KCNN1: variants seen among roughly 807,000 people sequenced by gnomAD.
KCNN1 encodes the protein small conductance calcium-activated potassium channel protein 1.
KCNN1 carries 20 observed loss-of-function variants against 44.7 expected under a neutral mutation model. That is an observed-to-expected ratio of 0.45 (90% confidence interval 0.32 to 0.65). The LOEUF (loss-of-function observed/expected upper bound fraction) is 0.65. KCNN1 is among the 30% of genes least tolerant of loss of function. The pLI is 0.05. For missense variants in KCNN1, 632 were observed against 785.3 expected (o/e 0.80, Z 2.33); for synonymous variants, 324 against 341.7 (o/e 0.95, Z 0.57).
intron 9 of KCNN1, among the ~76,000 whole-genome samples, chr19:17,994,364 T>C (rs998739163): frequency 2.6e-5 from 4 of 151,682 alleles, no homozygotes; most frequent in African/African-American, 9.7e-5. Context: ...GGAGAATCAC[T>C]TGAGCCCAGG....
chr19:17,990,063 A>G, intron 7 of KCNN1: 2 of 700,054 alleles, frequency 2.9e-6, no homozygotes, highest in East Asian at 2.8e-5. Context: ...GGCAGGATGT[A>G]TATTTTATTC....
At chr19:17,951,625 G>A (rs2031410349) in intron 1 of KCNN1, among the ~76,000 whole-genome samples, 1 of 152,156 alleles carries the variant, frequency 6.6e-6, no homozygotes. Context: ...TAATCGCGCA[G>A]GTTGGGGGGA....
chr19:17,991,803 T>A (rs1271935143), intron 7 of KCNN1, among the ~76,000 whole-genome samples: 2 of 152,224 alleles, frequency 1.3e-5, no homozygotes, highest in Non-Finnish European at 2.9e-5. Flanking sequence ...TCAGGTTTTA[T>A]GGGCCAGACC....
intron 2 of KCNN1, among the ~76,000 whole-genome samples, chr19:17,956,820 G>A (rs895832077): frequency 7.2e-5 from 11 of 151,882 alleles, no homozygotes; most frequent in Non-Finnish European, 1.0e-4. Context: ...TTGGGAGGCC[G>A]AGGTGGGCGG....
At chr19:17,961,529 C>A (rs930512458) in intron 2 of KCNN1, among the ~76,000 whole-genome samples, 3 of 151,962 alleles carry the variant, frequency 2.0e-5, no homozygotes, top group Non-Finnish European at 4.4e-5. Flanking sequence ...GAGAGTGAGA[C>A]CCAGCTTCAA....
upstream of KCNN1, among the ~76,000 whole-genome samples, chr19:17,966,440 G>C (rs1459293213): frequency 6.6e-6 from 1 of 152,212 alleles, no homozygotes; most frequent in Non-Finnish European, 1.5e-5. Flanking sequence ...CTGGGTGCTG[G>C]GGGAAGGAGC....
chr19:17,980,549 C>T (rs1030135121), intron 3 of KCNN1, among the ~76,000 whole-genome samples: 7 of 152,100 alleles, frequency 4.6e-5, no homozygotes, highest in African/African-American at 7.2e-5. Flanking sequence ...TTCGTTCGAA[C>T]TGTGGCCAGT....
At chr19:17,969,485 G>A (rs538592199) in intron 1 of KCNN1, among the ~76,000 whole-genome samples, 14 of 152,130 alleles carry the variant, frequency 9.2e-5, no homozygotes, top group South Asian at 2.1e-4. Flanking sequence ...GGTGGGTGCC[G>A]GGAAAGCCCT....
chr19:17,994,766 A>T (rs951023548), intron 9 of KCNN1, among the ~76,000 whole-genome samples: 1 of 152,102 alleles, frequency 6.6e-6, no homozygotes, highest in Non-Finnish European at 1.5e-5. Flanking sequence ...CTGGTCTCGA[A>T]CTCCTGACCT....
intron 3 of KCNN1, among the ~76,000 whole-genome samples, chr19:17,979,729 C>T (rs961199929): frequency 1.3e-5 from 2 of 152,110 alleles, no homozygotes; most frequent in Non-Finnish European, 2.9e-5. Flanking sequence ...TTTATGTCAA[C>T]GCTTTGCCGA....
At chr19:17,996,760 A>G (rs1275271880) in intron 9 of KCNN1, among the ~76,000 whole-genome samples, 1 of 152,154 alleles carries the variant, frequency 6.6e-6, no homozygotes, top group East Asian at 1.9e-4. Flanking sequence ...TGGTGCTAGG[A>G]GGGGAGGCCC....
In KCNN1 at chr19:17,973,794, C is replaced by T; in HGVS notation, c.-81-14C>T. 1 of 1,498,932 alleles carries T rather than the reference C, an allele frequency of 6.7e-7. No individual in the cohort carries two copies. Among genetic ancestry groups the T allele is most frequent in the Non-Finnish European group, 8.8e-7 (1 of 1,131,510 alleles). The allele number at this position is 1,498,932 out of a possible 1,614,324, so 92.9% of individuals were successfully genotyped here. On this transcript the variant is annotated splice_polypyrimidine_tract_variant and intron_variant, in intron 1 of 9. Transcript: ENST00000684775. ...TGGACCCTGCTGTGACCATGTCCCT[C>T]TGTGCCCTTGCAGGTCAGTGCAGGA... is the stretch of plus-strand genomic sequence containing the variant.
chr19:17,995,872 C>T (rs1457422848), intron 9 of KCNN1, among the ~76,000 whole-genome samples: 1 of 152,168 alleles, frequency 6.6e-6, no homozygotes, highest in East Asian at 1.9e-4. Flanking sequence ...AGGCATAAGC[C>T]ACTGTGCCCG....
chr19:17,972,821 C>T (rs746448572), intron 1 of KCNN1, among the ~76,000 whole-genome samples: 2 of 152,244 alleles, frequency 1.3e-5, no homozygotes, highest in Non-Finnish European at 2.9e-5. Flanking sequence ...TCCTCCCAGG[C>T]AAGCCCGTTG....
chr19:17,985,471 T>C lies in KCNN1; in HGVS notation c.1059+18T>C, dbSNP rs762167356. On this transcript the variant is annotated intron_variant, in intron 5 of 9. Transcript: ENST00000684775. Reference sequence around the variant, plus strand: ...GCATCATGGTAAGGGTGAGGGTCCATGTGTATGATCCTGGGAGGTCCAGCC... The same window carrying C: ...GCATCATGGTAAGGGTGAGGGTCCACGTGTATGATCCTGGGAGGTCCAGCC... The C allele has an allele frequency of 1.9e-6, 3 of 1,557,760 alleles. No homozygotes were observed. Among genetic ancestry groups the C allele is most frequent in the Non-Finnish European group, 1.7e-6 (2 of 1,145,238 alleles).
Position 17,998,599 on chromosome 19 carries a change from G to A in KCNN1, c.*193G>A, listed in dbSNP as rs937590150. On this transcript the variant is annotated 3_prime_UTR_variant, in exon 10 of 10. Transcript: ENST00000684775. This position sits in a 1 kb window ranked among gnomAD's most constrained non-coding sequence, Gnocchi z 5.4. ...ACCATGGGTGAGGGCAGGGGAGCCC[G>A]GAGCTTCCTCTGGTCACCTGGTCCC... is the stretch of plus-strand genomic sequence containing the variant. 16 of 539,802 alleles carry A rather than the reference G, an allele frequency of 3.0e-5. No homozygotes were observed. The highest frequency in any genetic ancestry group is 7.6e-5 in the Admixed American group (2 of 26,484). The allele number at this position is 539,802 out of a possible 1,614,324, so 33.4% of individuals were successfully genotyped here. A position where few individuals can be genotyped will look rare whatever the true frequency, so the allele number is the denominator to read the frequency against.
chr19:17,966,420 C>T (rs140967613), upstream of KCNN1, among the ~76,000 whole-genome samples: 84 of 152,348 alleles, frequency 5.5e-4, no homozygotes, highest in African/African-American at 1.9e-3. Context: ...ATGAGTCGGC[C>T]AAGTTCAGCC....
intron 5 of KCNN1, among the ~76,000 whole-genome samples, chr19:17,986,221 G>A (rs1043165610): frequency 1.2e-4 from 19 of 152,102 alleles, no homozygotes; most frequent in Admixed American, 2.6e-4. Flanking sequence ...AAATTAGCCG[G>A]GCGTGGTGGT....
intron 6 of KCNN1, 119 bp downstream of exon 6, chr19:17,988,644 C>A: frequency 1.3e-6 from 1 of 781,182 alleles, no homozygotes; most frequent in Non-Finnish European, 2.1e-6. Context: ...ACCATGCAGC[C>A]CCGTGTCAAG....
Sources: allele counts gnomAD v4.1 joint callset (sites outside exome capture counted in the v4.1 genomes callset), GRCh38; gene constraint gnomAD v4.1.1; non-coding constraint Gnocchi (gnomAD v3.1); transcripts MANE v1.5; gene names NCBI Gene and HGNC (gene_info 2026-07-23, HGNC 2026-07-21).